Variants in SCFD2 observed in about 807,000 individuals in gnomAD.
The protein encoded by SCFD2 is sec1 family domain-containing protein 2.
A neutral mutation model predicts 58.9 loss-of-function variants in SCFD2; 54 were observed. The observed-to-expected ratio is 0.92, with a 90% CI of 0.74 to 1.15. The LOEUF (loss-of-function observed/expected upper bound fraction) is 1.15. SCFD2 is among the 50% of genes most tolerant of loss of function. The pLI, the probability that SCFD2 is intolerant of heterozygous loss-of-function variation, is 0.00. For synonymous variants in SCFD2, 321 were observed against 335.9 expected (o/e 0.96, Z 0.49); for missense variants, 805 against 836.6 (o/e 0.96, Z 0.47).
At chr4:53,086,967 G>C (rs752210160) in intron 5 of SCFD2, among the ~76,000 whole-genome samples, 1 of 152,058 alleles carries the variant, frequency 6.6e-6, no homozygotes, top group Non-Finnish European at 1.5e-5. Context: ...AAGACTTGGT[G>C]CTTGGTACCA....
At chr4:52,877,604 T>C (rs1465706419) in intron 8 of SCFD2, among the ~76,000 whole-genome samples, 1 of 152,130 alleles carries the variant, frequency 6.6e-6, no homozygotes, top group African/African-American at 2.4e-5. Flanking sequence ...CTTCGTAAAA[T>C]ATCTGACACA....
At chr4:53,217,106 GA>G (rs1437200543) in intron 4 of SCFD2, among the ~76,000 whole-genome samples, 5 of 152,170 alleles carry the variant, frequency 3.3e-5, no homozygotes, top group Non-Finnish European at 7.3e-5. Flanking sequence ...GTGGTGCTGA[GA>G]AGAATGTATA....
rs561920419 is a variant in SCFD2 at position 52,913,182 on chromosome 4, T to G, written c.1708-5591A>C. On this transcript the variant is annotated intron_variant, in intron 6 of 8. Transcript: ENST00000401642. ...CTGCCCAATCATTCAGGGACCCAGGTTCCTGCTACACCAGGGATCCCCAAC... is the reference window on the plus strand; with the variant it reads ...CTGCCCAATCATTCAGGGACCCAGGGTCCTGCTACACCAGGGATCCCCAAC... Among the ~76,000 whole-genome samples the G allele has an allele frequency of 1.4e-4, 21 of 152,202 alleles. No homozygotes were observed. In the South Asian group the frequency reaches 3.7e-3, roughly 27 times the overall value.
At chr4:53,299,383 G>A (rs567532539) in intron 3 of SCFD2, among the ~76,000 whole-genome samples, 1 of 152,146 alleles carries the variant, frequency 6.6e-6, no homozygotes, top group African/African-American at 2.4e-5. Context: ...AGCATGAAGA[G>A]AAGTTTAGAG....
At chr4:53,073,698 G>T (rs1723889935) in intron 5 of SCFD2, among the ~76,000 whole-genome samples, 1 of 151,348 alleles carries the variant, frequency 6.6e-6, no homozygotes, top group Non-Finnish European at 1.5e-5. Context: ...CCAGACCACT[G>T]CAATAAAGTG....
At chr4:53,346,089 C>T (rs1464563861) in intron 2 of SCFD2, among the ~76,000 whole-genome samples, 3 of 149,796 alleles carry the variant, frequency 2.0e-5, no homozygotes, top group Admixed American at 6.7e-5. Context: ...CCCTAGAACT[C>T]GAAGTATAAT....
chr4:53,282,951 T>A (rs1324830230), intron 3 of SCFD2, among the ~76,000 whole-genome samples: 1 of 152,164 alleles, frequency 6.6e-6, no homozygotes. Context: ...CTGAAAAGGC[T>A]CTGAGCACAG....
At chr4:53,176,491 A>G (rs1044864239) in intron 4 of SCFD2, among the ~76,000 whole-genome samples, 62 of 152,232 alleles carry the variant, frequency 4.1e-4, no homozygotes, top group African/African-American at 1.4e-3. Flanking sequence ...CACTTTCACC[A>G]CACCCTAAAT....
At chr4:52,957,276 C>A (rs1720733963) in intron 5 of SCFD2, 1 of 152,130 alleles carries the variant, frequency 6.6e-6, no homozygotes, top group Non-Finnish European at 1.5e-5. Context: ...TGGGTGTGTG[C>A]TTCTATTTAA....
In SCFD2 at chr4:53,000,948, G is replaced by A. The variant is rs74616837; in HGVS notation, c.1562-80078C>T. On this transcript the variant is annotated intron_variant, in intron 5 of 8. Coordinates refer to ENST00000401642, the MANE Select transcript of SCFD2 (RefSeq NM_152540.4). Reference sequence around the variant, plus strand: ...GGGTTTGGGGACCCCTGCTCTAGAAGGATCTAGCATTCTTCTAGCATAGAA... The same window carrying A: ...GGGTTTGGGGACCCCTGCTCTAGAAAGATCTAGCATTCTTCTAGCATAGAA... Among the ~76,000 whole-genome samples the A allele has an allele frequency of 5.0e-3, 759 of 152,256 alleles. 12 individuals carry two copies. Among genetic ancestry groups the A allele is most frequent in the African/African-American group, 0.017 (710 of 41,556 alleles).
rs142535009 is a variant in SCFD2 at position 53,159,129 on chromosome 4, C to T, written c.1312-13547G>A. ...AGGACCTAGCTCCGCCCTTTGAATA[C>T]AGTTGGTATTGAAATCATACTTGTC... On this transcript the variant is annotated intron_variant, in intron 4 of 8. Coordinates refer to ENST00000401642, the MANE Select transcript of SCFD2 (RefSeq NM_152540.4). Among the ~76,000 whole-genome samples, 3 of 152,180 alleles carry T rather than the reference C, an allele frequency of 2.0e-5. No homozygotes were observed. In the East Asian group the frequency reaches 5.8e-4, roughly 29 times the overall value.
chr4:53,078,594 T>A (rs1477052649), intron 5 of SCFD2, among the ~76,000 whole-genome samples: 1 of 152,168 alleles, frequency 6.6e-6, no homozygotes, highest in Non-Finnish European at 1.5e-5. Context: ...ATGTTCTAAG[T>A]GGTTCAAATA....
intron 5 of SCFD2, chr4:52,948,838 A>G (rs1319293231): frequency 1.0e-5 from 2 of 198,376 alleles, no homozygotes; most frequent in Admixed American, 5.7e-5. Context: ...GTTGTAATGT[A>G]TATTCTCTTT....
At chr4:53,225,327 TG>T (rs1247419991) in intron 4 of SCFD2, among the ~76,000 whole-genome samples, 9 of 152,214 alleles carry the variant, frequency 5.9e-5, no homozygotes, top group Admixed American at 1.3e-4. Context: ...ATCTCAGCAT[TG>T]TTTGGGGTTT....
intron 5 of SCFD2, among the ~76,000 whole-genome samples, chr4:52,983,455 T>A (rs1277963728): frequency 2.0e-5 from 3 of 152,210 alleles, no homozygotes; most frequent in Non-Finnish European, 4.4e-5. Flanking sequence ...GGAGATGTAT[T>A]TACCTTAGTT....
intron 5 of SCFD2, among the ~76,000 whole-genome samples, chr4:53,062,893 C>T (rs1281749626): frequency 6.6e-6 from 1 of 152,084 alleles, no homozygotes; most frequent in African/African-American, 2.4e-5. Context: ...TCTTGAGTAA[C>T]AAAGCTGGCT....
At chr4:53,159,215 A>G (rs1361873962) in intron 4 of SCFD2, among the ~76,000 whole-genome samples, 2 of 152,202 alleles carry the variant, frequency 1.3e-5, no homozygotes, top group Admixed American at 6.5e-5. Context: ...TAAAGATATA[A>G]TTGTAGATTA....
intron 3 of SCFD2, among the ~76,000 whole-genome samples, chr4:53,309,591 T>C (rs1732626022): frequency 6.6e-6 from 1 of 152,038 alleles, no homozygotes; most frequent in Non-Finnish European, 1.5e-5. Flanking sequence ...AATGGAATTA[T>C]AACCAGGCTG....
At chr4:53,356,239 A>G (rs537537167) in intron 1 of SCFD2, among the ~76,000 whole-genome samples, 7 of 152,346 alleles carry the variant, frequency 4.6e-5, no homozygotes, top group Non-Finnish European at 1.0e-4. Flanking sequence ...CAGTGATCCA[A>G]AAGAACAAAG....
Sources: gnomAD v4.1 joint callset for allele counts (sites outside exome capture counted in the v4.1 genomes callset) on GRCh38, gnomAD v4.1.1 for gene constraint, MANE v1.5 for transcripts, NCBI Gene and HGNC (gene_info 2026-07-23, HGNC 2026-07-21) for gene names.